The following TRPC4 variants were observed in gnomAD, a reference collection of about 807,000 sequenced individuals.
TRPC4 encodes short transient receptor potential channel 4.
Under a neutral mutation model 99.4 loss-of-function variants are expected in TRPC4, and 49 were observed. That is an observed-to-expected ratio of 0.49 (90% CI 0.39 to 0.63). The LOEUF is 0.63. TRPC4 is among the 20% of genes least tolerant of loss of function. TRPC4 has a pLI of 0.00. For synonymous variants in TRPC4, 454 were observed against 425.9 expected (o/e 1.07, Z -0.81); for missense variants, 898 against 1,152.9 (o/e 0.78, Z 3.20).
chr13:37,697,428 C>T (rs142335361), intron 3 of TRPC4, among the ~76,000 whole-genome samples: 91 of 152,232 alleles, frequency 6.0e-4, no homozygotes, highest in Admixed American at 1.5e-3. Context: ...AGATAGATTT[C>T]GACAGTGACA....
intron 3 of TRPC4, among the ~76,000 whole-genome samples, chr13:37,729,550 G>C (rs1024403538): frequency 2.0e-5 from 3 of 152,080 alleles, no homozygotes; most frequent in Non-Finnish European, 2.9e-5. Context: ...ATAGCAGTAC[G>C]ATCACCATAG....
chr13:37,730,592 TACAC>T (rs200044720), intron 3 of TRPC4, among the ~76,000 whole-genome samples: 1 of 150,604 alleles, frequency 6.6e-6, no homozygotes, highest in South Asian at 2.1e-4. Context: ...TGTACACACA[TACAC>T]ACACACACAC....
rs1280232042 is a variant in TRPC4 at position 37,783,043 on chromosome 13, T to G, written c.291A>C (p.Gly97=). ...ELLLSFNVYV[G]DALLHAIRKE... ...TTCTGATAGCATGTAATAGAGCATCTCCAACATAGACATTAAAGCTTAAGA... is the reference window on the plus strand; with the variant it reads ...TTCTGATAGCATGTAATAGAGCATCGCCAACATAGACATTAAAGCTTAAGA... The change falls in exon 2 of 11, where the codon GGA becomes GGC. Residue 97 remains glycine, a synonymous_variant. Transcript: ENST00000379705. The G allele has an allele frequency of 1.9e-6, 3 of 1,612,994 alleles. No homozygotes were observed. Among genetic ancestry groups the G allele is most frequent in the Middle Eastern group, 1.6e-4 (1 of 6,064 alleles).
chr13:37,795,793 C>T (rs946656629), intron 1 of TRPC4, among the ~76,000 whole-genome samples: 1 of 152,102 alleles, frequency 6.6e-6, no homozygotes, highest in African/African-American at 2.4e-5. Context: ...TACTTAGTGA[C>T]TCTTATTATT....
chr13:37,733,239 C>T (rs1473389750), intron 3 of TRPC4, among the ~76,000 whole-genome samples: 1 of 152,164 alleles, frequency 6.6e-6, no homozygotes, highest in Non-Finnish European at 1.5e-5. Flanking sequence ...CACCAATGCG[C>T]TCCAGCTTGC....
chr13:37,683,717 G>A (rs988014264), intron 4 of TRPC4, among the ~76,000 whole-genome samples: 2 of 152,064 alleles, frequency 1.3e-5, no homozygotes, highest in Non-Finnish European at 2.9e-5. Flanking sequence ...ATTCCCCATC[G>A]TCCCTAAAGC....
At chr13:37,649,730 T>G (rs1433906891) in intron 8 of TRPC4, among the ~76,000 whole-genome samples, 1 of 22,748 alleles carries the variant, frequency 4.4e-5, no homozygotes, top group African/African-American at 2.1e-4. Context: ...AGACTCCGTC[T>G]CAAAAAAAAA....
intron 6 of TRPC4, among the ~76,000 whole-genome samples, chr13:37,661,801 C>CT (rs1952449168): frequency 7.1e-6 from 1 of 140,944 alleles, no homozygotes. Context: ...ACAAATAAGA[C>CT]GGGAGCCAGA....
At chr13:37,844,591 C>T (rs141681892) in intron 1 of TRPC4, among the ~76,000 whole-genome samples, 18 of 152,184 alleles carry the variant, frequency 1.2e-4, no homozygotes, top group East Asian at 7.8e-4. Context: ...CACTGCTCCA[C>T]GCCAGTTCAT....
chr13:37,851,574 G>A (rs1462042490), intron 1 of TRPC4, among the ~76,000 whole-genome samples: 1 of 152,138 alleles, frequency 6.6e-6, no homozygotes, highest in Non-Finnish European at 1.5e-5. Context: ...TGGTTTAAGA[G>A]GGTGGAGTAA....
chr13:37,762,225 T>C (rs1156662302), intron 2 of TRPC4, among the ~76,000 whole-genome samples: 1 of 151,828 alleles, frequency 6.6e-6, no homozygotes, highest in African/African-American at 2.4e-5. Context: ...ACCAACAGTG[T>C]AAAAGTGTTC....
At chr13:37,684,754 A>G (rs1228110318) in intron 4 of TRPC4, among the ~76,000 whole-genome samples, 1 of 151,868 alleles carries the variant, frequency 6.6e-6, no homozygotes, top group East Asian at 1.9e-4. Flanking sequence ...ATATGCACAA[A>G]GAAATATATT....
rs147554665 is a variant in TRPC4 at position 37,675,557 on chromosome 13, G to C, written c.1235-1190C>G. On this transcript the variant is annotated intron_variant, in intron 4 of 10. Transcript: ENST00000379705. ...TAGTTCAAGCCTGGGGAGAAAAGAG[G>C]CTGCTTCTGTGGGAGAGGCACAGTG... Among the ~76,000 whole-genome samples the C allele has an allele frequency of 7.9e-3, 1,206 of 152,254 alleles. 17 individuals carry two copies. Among genetic ancestry groups the C allele is most frequent in the Non-Finnish European group, 0.01 (697 of 68,030 alleles).
intron 1 of TRPC4, among the ~76,000 whole-genome samples, chr13:37,831,321 A>G (rs1958416322): frequency 6.6e-6 from 1 of 152,214 alleles, no homozygotes; most frequent in Admixed American, 6.5e-5. Flanking sequence ...ATGCAAATTA[A>G]AATTACAATG....
chr13:37,734,310 A>G (rs1211865947), intron 3 of TRPC4, among the ~76,000 whole-genome samples: 3 of 152,194 alleles, frequency 2.0e-5, no homozygotes, highest in African/African-American at 7.2e-5. Flanking sequence ...TTATCTAAGC[A>G]AGAGCAAAAT....
At chr13:37,712,296 T>G (rs935027211) in intron 3 of TRPC4, among the ~76,000 whole-genome samples, 12 of 152,170 alleles carry the variant, frequency 7.9e-5, no homozygotes, top group Admixed American at 6.6e-5. Context: ...TACAGGGGAT[T>G]TGCATTCCTC....
intron 2 of TRPC4, among the ~76,000 whole-genome samples, chr13:37,775,923 G>A (rs1451835021): frequency 2.0e-5 from 3 of 151,650 alleles, no homozygotes; most frequent in Non-Finnish European, 4.4e-5. Context: ...GTTTCAAAGC[G>A]ATTATTTACC....
intron 1 of TRPC4, among the ~76,000 whole-genome samples, chr13:37,809,713 G>A (rs1957623531): frequency 6.6e-6 from 1 of 152,048 alleles, no homozygotes; most frequent in Non-Finnish European, 1.5e-5. Flanking sequence ...TTACAAAGAT[G>A]TAGGCAGGAT....
chr13:37,836,113 TC>T (rs1566210460), intron 1 of TRPC4, among the ~76,000 whole-genome samples: 2 of 152,294 alleles, frequency 1.3e-5, no homozygotes, highest in East Asian at 3.9e-4. Flanking sequence ...CCTGCTGCCA[TC>T]CATGTAAGAT....
Sources: gnomAD v4.1 joint callset for allele counts (sites outside exome capture counted in the v4.1 genomes callset) on GRCh38, gnomAD v4.1.1 for gene constraint, MANE v1.5 for transcripts, NCBI Gene and HGNC (gene_info 2026-07-23, HGNC 2026-07-21) for gene names.